The following TGFB2 variants were observed in gnomAD, a reference collection of about 807,000 sequenced individuals.
TGFB2 encodes the protein transforming growth factor beta 2.
Under a neutral mutation model 42.7 loss-of-function variants are expected in TGFB2, and 13 were observed. The ratio of observed to expected loss-of-function variants is 0.30; its 90% CI spans 0.20 to 0.48. The LOEUF (loss-of-function observed/expected upper bound fraction) is 0.48. TGFB2 is among the 20% of genes least tolerant of loss of function. The pLI, the probability that TGFB2 is intolerant of heterozygous loss-of-function variation, is 0.99. For synonymous variants in TGFB2, 193 were observed against 193.6 expected (o/e 1.00, Z 0.03); for missense variants, 390 against 517.5 (o/e 0.75, Z 2.39).
chr1:218,408,691 A>C (rs1658995541), intron 2 of TGFB2, among the ~76,000 whole-genome samples: 1 of 152,052 alleles, frequency 6.6e-6, no homozygotes, highest in African/African-American at 2.4e-5. Flanking sequence ...TAGTTTGACT[A>C]TCTGTAGGGC....
chr1:218,418,665 TTTC>T (rs1659356847), intron 2 of TGFB2, among the ~76,000 whole-genome samples: 1 of 152,152 alleles, frequency 6.6e-6, no homozygotes, highest in South Asian at 2.1e-4. Flanking sequence ...TCATCTTGAA[TTTC>T]CATGTGTTGT....
intron 2 of TGFB2, among the ~76,000 whole-genome samples, chr1:218,416,990 C>G (rs546526781): frequency 7.7e-4 from 117 of 152,268 alleles, no homozygotes; most frequent in African/African-American, 2.8e-3. Context: ...TCCAATAAAC[C>G]CTTTTCTCTT....
intron 2 of TGFB2, among the ~76,000 whole-genome samples, chr1:218,424,805 G>T (rs1659567718): frequency 6.6e-6 from 1 of 152,220 alleles, no homozygotes; most frequent in African/African-American, 2.4e-5. Flanking sequence ...GCTGCCAAAA[G>T]TAAATAGTTT....
chr1:218,389,602 C>T (rs1308049167), intron 1 of TGFB2, among the ~76,000 whole-genome samples: 1 of 152,198 alleles, frequency 6.6e-6, no homozygotes, highest in Admixed American at 6.5e-5. Context: ...CTGATCAAAA[C>T]CCCTCTGGCC....
intron 2 of TGFB2, among the ~76,000 whole-genome samples, chr1:218,428,996 T>TC (rs1659718598): frequency 6.9e-6 from 1 of 145,266 alleles, no homozygotes; most frequent in East Asian, 2.1e-4. Flanking sequence ...TTTTTTTTTT[T>TC]CTGAGACAGA....
chr1:218,358,695 C>A (rs891848002), intron 1 of TGFB2, among the ~76,000 whole-genome samples: 4 of 151,902 alleles, frequency 2.6e-5, no homozygotes, highest in Admixed American at 6.5e-5. Flanking sequence ...ACTACAGGCA[C>A]CCCCCACCAT....
At chr1:218,388,119 G>A (rs1389226374) in intron 1 of TGFB2, among the ~76,000 whole-genome samples, 1 of 152,226 alleles carries the variant, frequency 6.6e-6, no homozygotes, top group Admixed American at 6.5e-5. Flanking sequence ...TAGAGCTATG[G>A]AGAAGGCACA....
At chr1:218,389,687 G>A (rs1658259671) in intron 1 of TGFB2, among the ~76,000 whole-genome samples, 1 of 152,140 alleles carries the variant, frequency 6.6e-6, no homozygotes, top group Non-Finnish European at 1.5e-5. Context: ...ACTATTCAAG[G>A]AACATACGTT....
chr1:218,384,966 A>G (rs1046201758), intron 1 of TGFB2, among the ~76,000 whole-genome samples: 5 of 152,210 alleles, frequency 3.3e-5, no homozygotes, highest in African/African-American at 4.8e-5. Flanking sequence ...CGATGCCACA[A>G]TGATGTCACA....
chr1:218,439,874 C>T (rs920847543), intron 6 of TGFB2, among the ~76,000 whole-genome samples: 1 of 152,158 alleles, frequency 6.6e-6, no homozygotes, highest in Non-Finnish European at 1.5e-5. Context: ...GGACAGTTAC[C>T]CAAGAAGCCA....
intron 1 of TGFB2, among the ~76,000 whole-genome samples, chr1:218,359,507 G>C (rs1351082376): frequency 1.3e-5 from 2 of 152,170 alleles, no homozygotes; most frequent in African/African-American, 2.4e-5. Context: ...GAATTCCACT[G>C]TCAGAAAATA....
chr1:218,431,993 T>C (rs1571899142), intron 2 of TGFB2, among the ~76,000 whole-genome samples: 1 of 152,198 alleles, frequency 6.6e-6, no homozygotes, highest in Admixed American at 6.5e-5. Flanking sequence ...TATCTTATAT[T>C]TTCATCTTGT....
chr1:218,427,023 G>A (rs1659645024), intron 2 of TGFB2, among the ~76,000 whole-genome samples: 1 of 152,104 alleles, frequency 6.6e-6, no homozygotes, highest in Non-Finnish European at 1.5e-5. Context: ...CAACCTGAGT[G>A]TAGGATTCTT....
intron 1 of TGFB2, among the ~76,000 whole-genome samples, chr1:218,360,743 T>A (rs1217015328): frequency 6.6e-6 from 1 of 152,258 alleles, no homozygotes; most frequent in Non-Finnish European, 1.5e-5. Flanking sequence ...TTGAGAATTC[T>A]TTACATTTCT....
intron 1 of TGFB2, among the ~76,000 whole-genome samples, chr1:218,366,819 ATC>A (rs1380955957): frequency 6.6e-6 from 1 of 152,178 alleles, no homozygotes; most frequent in African/African-American, 2.4e-5. Flanking sequence ...GATTATGCAC[ATC>A]TGTTTACTCA....
Position 218,441,531 on chromosome 1 carries a change from T to C in TGFB2, c.*169T>C. ...TCAGACACTTTGGAAGTTTGTGTTC[T>C]GTTTGTTAAAACTGGCATCTGACAC... On this transcript the variant is annotated 3_prime_UTR_variant, in exon 7 of 7. Transcript: ENST00000366930. 1 of 567,858 alleles carries C rather than the reference T, an allele frequency of 1.8e-6. No individual in the cohort carries two copies. The highest frequency in any genetic ancestry group is 4.7e-5 in the South Asian group (1 of 21,126). 35.2% of individuals were successfully genotyped at this position (567,858 alleles called of 1,614,324 possible). A position where few individuals can be genotyped will look rare whatever the true frequency, so the allele number is the denominator to read the frequency against.
chr1:218,402,703 A>G (rs1658767097), intron 1 of TGFB2, among the ~76,000 whole-genome samples: 1 of 152,218 alleles, frequency 6.6e-6, no homozygotes, highest in South Asian at 2.1e-4. Flanking sequence ...CCACTGAAAG[A>G]GGCGGGGAAA....
At chr1:218,421,649 C>G (rs1255809997) in intron 2 of TGFB2, among the ~76,000 whole-genome samples, 2 of 151,304 alleles carry the variant, frequency 1.3e-5, no homozygotes, top group Non-Finnish European at 2.9e-5. Context: ...CCTTCCCCTA[C>G]ACATAAAAAA....
At chr1:218,355,741 C>G (rs1657011975) in intron 1 of TGFB2, among the ~76,000 whole-genome samples, 1 of 152,192 alleles carries the variant, frequency 6.6e-6, no homozygotes, top group South Asian at 2.1e-4. Flanking sequence ...AGCTATTATT[C>G]ATCGAATCTC....
Sources: allele counts gnomAD v4.1 joint callset (sites outside exome capture counted in the v4.1 genomes callset), GRCh38; gene constraint gnomAD v4.1.1; transcripts MANE v1.5; gene names NCBI Gene and HGNC (gene_info 2026-07-23, HGNC 2026-07-21).